The following GLYAT variants were observed in gnomAD, a reference collection of about 807,000 sequenced individuals.
The protein encoded by GLYAT is glycine N-acyltransferase.
GLYAT carries 25 observed loss-of-function variants against 22.8 expected under a neutral mutation model. The ratio of observed to expected loss-of-function variants is 1.09; its 90% CI spans 0.80 to 1.53. GLYAT has a LOEUF of 1.53. GLYAT is among the 40% of genes most tolerant of loss of function. The pLI, the probability that GLYAT is intolerant of heterozygous loss-of-function variation, is 0.00. For missense variants in GLYAT, 411 were observed against 353.9 expected (o/e 1.16, Z -1.29); for synonymous variants, 140 against 122.7 (o/e 1.14, Z -0.93).
At chr11:58,729,268 C>T (rs758001141) in intron 1 of GLYAT, among the ~76,000 whole-genome samples, 12 of 152,134 alleles carry the variant, frequency 7.9e-5, no homozygotes, top group Non-Finnish European at 1.2e-4. Flanking sequence ...CAAGTTTACC[C>T]GAATAGCCTG....
At chr11:58,719,836 T>C (rs1391791429) in intron 2 of GLYAT, among the ~76,000 whole-genome samples, 2 of 152,020 alleles carry the variant, frequency 1.3e-5, no homozygotes, top group Non-Finnish European at 2.9e-5. Flanking sequence ...ATCTCAGTTT[T>C]TTTCTAAGCA....
intron 1 of GLYAT, among the ~76,000 whole-genome samples, chr11:58,726,983 A>ATTTG (rs1856817754): frequency 6.6e-6 from 1 of 152,060 alleles, no homozygotes; most frequent in Admixed American, 6.6e-5. Flanking sequence ...TCCCCTTAAG[A>ATTTG]AGTGCTGACT....
intron 1 of GLYAT, among the ~76,000 whole-genome samples, chr11:58,730,608 G>A (rs1480317272): frequency 6.6e-6 from 1 of 152,098 alleles, no homozygotes; most frequent in East Asian, 1.9e-4. Context: ...CTGAGTTGCA[G>A]CTTGTAATGC....
At chr11:58,721,498 T>C (rs1432753028) in intron 2 of GLYAT, among the ~76,000 whole-genome samples, 1 of 151,758 alleles carries the variant, frequency 6.6e-6, no homozygotes, top group African/African-American at 2.4e-5. Flanking sequence ...AAACTTTTGC[T>C]CGAAAATAGA....
chr11:58,719,854 A>G (rs1440093370), intron 2 of GLYAT, among the ~76,000 whole-genome samples: 1 of 152,020 alleles, frequency 6.6e-6, no homozygotes, highest in Non-Finnish European at 1.5e-5. Flanking sequence ...GCAAATGAAA[A>G]CTTAATATGA....
chr11:58,709,547 A>G lies in GLYAT; in HGVS notation c.*219T>C, dbSNP rs1474059223. 6.3e-6 allele frequency: 3 copies of G among 477,778 alleles called. No individual in the cohort carries two copies. The Admixed American group carries it at 1.0e-4, about 17-fold the overall frequency. 29.6% of individuals were successfully genotyped at this position (477,778 alleles called of 1,614,324 possible). On this transcript the variant is annotated 3_prime_UTR_variant, in exon 6 of 6. Coordinates refer to ENST00000344743, the MANE Select transcript of GLYAT (RefSeq NM_201648.3). ...GGAAATGTGGGGAGGTAAATTGCTTATGTCAAATGTAAGAGGACCTGGGCC... is the reference window on the plus strand; with the variant it reads ...GGAAATGTGGGGAGGTAAATTGCTTGTGTCAAATGTAAGAGGACCTGGGCC...
At position 58,724,497 on chromosome 11, in the gene GLYAT, G is replaced by A; in HGVS notation, c.-1C>T. Reference sequence around the variant, plus strand: ...GGGCACCTTGCAATGGTAACATCATGGAGGATACCTTAGCCTAGAAAGACA... The same window carrying A: ...GGGCACCTTGCAATGGTAACATCATAGAGGATACCTTAGCCTAGAAAGACA... On this transcript the variant is annotated 5_prime_UTR_variant, in exon 2 of 6. Coordinates refer to ENST00000344743, the MANE Select transcript of GLYAT (RefSeq NM_201648.3). 3 of 1,583,658 alleles carry A rather than the reference G, an allele frequency of 1.9e-6. No homozygotes were observed. The highest frequency in any genetic ancestry group is 2.6e-6 in the Non-Finnish European group (3 of 1,155,632).
In GLYAT at chr11:58,710,757, T is replaced by C. The variant is rs115079379; in HGVS notation, c.321A>G (p.Ser107=). The change falls in exon 5 of 6, where the codon TCA becomes TCG. Residue 107 remains serine, a synonymous_variant. Transcript: ENST00000344743. ...GTATAGCCTCATTCAGGCTAGGCTG[T>C]GAACCTAGACGGTATAATAAACAGA... ...NWKQHLQIQS[S]QPSLNEAIQN... The C allele has an allele frequency of 5.3e-4, 844 of 1,579,990 alleles. 5 individuals are homozygous for C. In the African/African-American group the frequency reaches 0.011, roughly 20 times the overall value.
At position 58,709,448 on chromosome 11, in the gene GLYAT, C is replaced by T; in HGVS notation, c.*318G>A. The T allele has an allele frequency of 4.8e-6, 1 of 210,282 alleles. No homozygotes were observed. Among genetic ancestry groups the T allele is most frequent in the Non-Finnish European group, 9.5e-6 (1 of 105,314 alleles). The allele number at this position is 210,282 out of a possible 1,614,324, so 13.0% of individuals were successfully genotyped here. The stretch of plus-strand genomic sequence containing the variant: ...CCCAGAAAAACTGGCAAGGGTCTTG[C>T]AACTGAGGAACCAGGGATTCCAGGA... On this transcript the variant is annotated 3_prime_UTR_variant, in exon 6 of 6. Transcript: ENST00000344743.
intron 5 of GLYAT, 31 bp from the exon 6 acceptor site, chr11:58,710,199 C>A (rs866007858): frequency 1.3e-6 from 2 of 1,580,974 alleles, no homozygotes; most frequent in South Asian, 1.2e-5. Flanking sequence ...AAACAAAATC[C>A]ATTAGTATAA....
chr11:58,728,893 G>GAAA (rs1590676106), intron 1 of GLYAT, among the ~76,000 whole-genome samples: 4,570 of 58,792 alleles, frequency 0.078, 98 homozygotes, highest in Middle Eastern at 0.12. Flanking sequence ...AAAGAAAGAA[G>GAAA]GAAGGAAGGA....
intron 5 of GLYAT, 84 bp from the exon 6 acceptor site, chr11:58,710,252 G>A (rs1048243039): frequency 5.4e-6 from 8 of 1,494,908 alleles, no homozygotes; most frequent in Non-Finnish European, 5.3e-6. Flanking sequence ...GAGAGACAGA[G>A]TAGACAGAAG....
At chr11:58,712,508 T>A (rs2134480278) in intron 4 of GLYAT, among the ~76,000 whole-genome samples, 1 of 152,304 alleles carries the variant, frequency 6.6e-6, no homozygotes, top group South Asian at 2.1e-4. Context: ...AAGGTCTGGA[T>A]ACAGCTGCAA....
rs1382628055 is a variant in GLYAT, at chr11:58,712,958, A to C, written c.190-72T>G. ...TGATTACATATAATTTTATACTGTG[A>C]TATTTCTAAGTAATAAAATATTGGT... On this transcript the variant is annotated intron_variant, in intron 3 of 5. Transcript: ENST00000344743. The C allele has an allele frequency of 3.1e-6, 3 of 966,526 alleles. No individual in the cohort carries two copies. The African/African-American group carries it at 5.0e-5, about 16-fold the overall frequency. The allele number at this position is 966,526 out of a possible 1,614,324, so 59.9% of individuals were successfully genotyped here.
At chr11:58,719,117 T>C (rs1856718889) in intron 2 of GLYAT, among the ~76,000 whole-genome samples, 1 of 151,992 alleles carries the variant, frequency 6.6e-6, no homozygotes, top group South Asian at 2.1e-4. Context: ...TAATTTATAG[T>C]TCAATTTTGG....
intron 5 of GLYAT, 117 bp from the exon 6 acceptor site, chr11:58,710,285 GA>G: frequency 2.8e-6 from 4 of 1,430,994 alleles, no homozygotes; most frequent in Non-Finnish European, 2.8e-6. Flanking sequence ...TGAAGTCCTG[GA>G]ATATAGATGA....
rs778191405 is a variant in GLYAT, at chr11:58,709,760, T to C, written c.*6A>G. 6.2e-7 allele frequency: 1 copy of C among 1,601,978 alleles called. No homozygotes were observed. Among genetic ancestry groups the C allele is most frequent in the South Asian group, 1.1e-5 (1 of 89,068 alleles). On this transcript the variant is annotated 3_prime_UTR_variant, in exon 6 of 6. Transcript: ENST00000344743. ...GCCCAACACTGTCTTATGTTCAGGA[T>C]TGGCATCACAGAGGTACACAGTTCC...
intron 2 of GLYAT, among the ~76,000 whole-genome samples, chr11:58,720,983 T>G (rs1011032005): frequency 6.6e-6 from 1 of 152,054 alleles, no homozygotes; most frequent in African/African-American, 2.4e-5. Flanking sequence ...GTCTTTTCTT[T>G]TTTAGTATCG....
chr11:58,720,567 T>G (rs1015971565), intron 2 of GLYAT, among the ~76,000 whole-genome samples: 1 of 152,036 alleles, frequency 6.6e-6, no homozygotes, highest in African/African-American at 2.4e-5. Context: ...TAGTTTAGCT[T>G]TGAAACAAAG....
Sources: allele counts gnomAD v4.1 joint callset (sites outside exome capture counted in the v4.1 genomes callset), GRCh38; gene constraint gnomAD v4.1.1; transcripts MANE v1.5; gene names NCBI Gene and HGNC (gene_info 2026-07-23, HGNC 2026-07-21).